The following ZNF414 variants were observed in gnomAD, a reference collection of about 807,000 sequenced individuals.
The protein encoded by ZNF414 is zinc finger protein 414.
ZNF414 carries 32 observed loss-of-function variants against 38.3 expected under a neutral mutation model. The observed-to-expected ratio is 0.83, with a 90% CI of 0.63 to 1.12. The LOEUF is 1.12. ZNF414 is among the 50% of genes most tolerant of loss of function. The pLI, the probability that ZNF414 is intolerant of heterozygous loss-of-function variation, is 0.00. For synonymous variants in ZNF414, 256 were observed against 248.0 expected (o/e 1.03, Z -0.30); for missense variants, 589 against 557.4 (o/e 1.06, Z -0.57).
intron 1 of ZNF414, 50 bp downstream of exon 1, chr19:8,513,984 GGCCGCTCCCC>G: frequency 7.2e-7 from 1 of 1,390,824 alleles, no homozygotes; most frequent in Middle Eastern, 2.6e-4. Flanking sequence ...GGCGCGACAG[GGCCGCTCCCC>G]GCCAGTCCCC....
Position 8,512,622 on chromosome 19 carries a change from G to C in ZNF414, c.406C>G (p.Pro136Ala). The change falls in exon 3 of 8, where the codon CCC becomes GCC. Residue 136 changes from proline to alanine, a missense_variant. Physicochemically the swap from Pro to Ala is conservative, Grantham distance 27. Coordinates refer to ENST00000393927, the MANE Select transcript of ZNF414 (RefSeq NM_001146175.2). ...GCCCTACCTTCCAGGGACTGTGTGG[G>C]CGGGCAGTGGGTTCGCAGATGCTGT... is the stretch of plus-strand genomic sequence containing the variant. Reference protein sequence around the residue: ...LAQHLRTHCPPTQSLEGKLFR... With the variant: ...LAQHLRTHCPATQSLEGKLFR... The C allele has an allele frequency of 2.5e-6, 4 of 1,592,580 alleles. No individual in the cohort carries two copies. The South Asian group carries it at 4.5e-5, about 18-fold the overall frequency.
Position 8,513,094 on chromosome 19 carries a change from C to G in ZNF414, c.251G>C (p.Gly84Ala), listed in dbSNP as rs1971940894. The change falls in exon 2 of 8, where the codon GGC becomes GCC. Residue 84 changes from glycine to alanine, a missense_variant. Gly to Ala is a moderately conservative substitution (Grantham distance 60). Coordinates refer to ENST00000393927, the MANE Select transcript of ZNF414 (RefSeq NM_001146175.2). The part of the protein sequence containing the change: ...SCQPGPGPSP[G>A]LTSIVSGTSE... ...GGTCCCGGAGACTATGCTGGTCAGG[C>G]CAGGGCTGGGTCCGGGGCCAGGCTG... is the stretch of plus-strand genomic sequence containing the variant. 6.5e-7 allele frequency: 1 copy of G among 1,531,210 alleles called. No individual in the cohort carries two copies. Among genetic ancestry groups the G allele is most frequent in the Non-Finnish European group, 8.8e-7 (1 of 1,141,068 alleles). 94.9% of individuals were successfully genotyped at this position (1,531,210 alleles called of 1,614,324 possible). A position where few individuals can be genotyped will look rare whatever the true frequency, so the allele number is the denominator to read the frequency against.
At chr19:8,513,526 C>T (rs1204116580) in intron 1 of ZNF414, among the ~76,000 whole-genome samples, 185 bp from the exon 2 acceptor site, 1 of 152,154 alleles carries the variant, frequency 6.6e-6, no homozygotes, top group Non-Finnish European at 1.5e-5. Flanking sequence ...CCCCTGGTCT[C>T]AAGTGATCCT....
At chr19:8,511,205 G>A (rs1316612994) in intron 6 of ZNF414, 181 bp from the exon 7 acceptor site, 15 of 1,311,884 alleles carry the variant, frequency 1.1e-5, no homozygotes, top group Non-Finnish European at 1.5e-5. Context: ...ACCCAACTTG[G>A]CTTCTCCGCG....
rs1221805024 is a variant in ZNF414, at chr19:8,510,414, T to G, written c.*277A>C. On this transcript the variant is annotated 3_prime_UTR_variant, in exon 8 of 8. Transcript: ENST00000393927. Reference sequence around the variant, plus strand: ...TGGGGACCTCAACCACAGCTGGAGGTGGGGACCTGGGTCCCAGGATTGGGG... The same window carrying G: ...TGGGGACCTCAACCACAGCTGGAGGGGGGGACCTGGGTCCCAGGATTGGGG... 1 of 314,746 alleles carries G rather than the reference T, an allele frequency of 3.2e-6. No individual in the cohort carries two copies. The highest frequency in any genetic ancestry group is 1.2e-4 in the South Asian group (1 of 8,604). 19.5% of individuals were successfully genotyped at this position (314,746 alleles called of 1,614,324 possible). A position where few individuals can be genotyped will look rare whatever the true frequency, so the allele number is the denominator to read the frequency against.
In ZNF414 at chr19:8,510,524, C is replaced by T; in HGVS notation, c.*167G>A. The T allele has an allele frequency of 1.3e-6, 1 of 747,172 alleles. No individual in the cohort carries two copies. The highest frequency in any genetic ancestry group is 2.1e-6 in the Non-Finnish European group (1 of 487,490). The allele number at this position is 747,172 out of a possible 1,614,324, so 46.3% of individuals were successfully genotyped here. Reference sequence around the variant, plus strand: ...CTCCCAAGATGTGATCAATCCATGACTGCTGGGCTCGAGCCCACTATGCTT... The same window carrying T: ...CTCCCAAGATGTGATCAATCCATGATTGCTGGGCTCGAGCCCACTATGCTT... On this transcript the variant is annotated 3_prime_UTR_variant, in exon 8 of 8. Coordinates refer to ENST00000393927, the MANE Select transcript of ZNF414 (RefSeq NM_001146175.2).
At chr19:8,514,014 C>T in intron 1 of ZNF414, 30 bp downstream of exon 1, 1 of 1,446,090 alleles carries the variant, frequency 6.9e-7, no homozygotes, top group Admixed American at 2.5e-5. Flanking sequence ...CGCAGCTCCG[C>T]CGCGCCCGCG....
At position 8,511,818 on chromosome 19, in the gene ZNF414, C is replaced by T. The variant is rs1464458841; in HGVS notation, c.673G>A (p.Glu225Lys). The change falls in exon 5 of 8, where the codon GAG becomes AAG. Residue 225 changes from glutamate to lysine, a missense_variant. Glu to Lys is a moderately conservative substitution (Grantham distance 56). Coordinates refer to ENST00000393927, the MANE Select transcript of ZNF414 (RefSeq NM_001146175.2). ...CCCGGCGCTGATGCGGGGTCAACCT[C>T]CGGGGGGCGCTCCGGCGCGGGCGGC... ...REPPAPERPPEVDPASAPGLP... is the reference protein window; with the variant it reads ...REPPAPERPPKVDPASAPGLP... 1 of 1,399,042 alleles carries T rather than the reference C, an allele frequency of 7.1e-7. No individual in the cohort carries two copies. Among genetic ancestry groups the T allele is most frequent in the East Asian group, 2.8e-5 (1 of 36,016 alleles). The allele number at this position is 1,399,042 out of a possible 1,614,324, so 86.7% of individuals were successfully genotyped here.
chr19:8,513,192 G>T lies in ZNF414; in HGVS notation c.153C>A (p.Ala51=), dbSNP rs1270943215. 1 of 1,564,380 alleles carries T rather than the reference G, an allele frequency of 6.4e-7. No homozygotes were observed. The highest frequency in any genetic ancestry group is 1.3e-5 in the African/African-American group (1 of 74,150). The change falls in exon 2 of 8, where the codon GCC becomes GCA. Residue 51 remains alanine, a synonymous_variant. Coordinates refer to ENST00000393927, the MANE Select transcript of ZNF414 (RefSeq NM_001146175.2). ...MSEEPGPEQA[A]TPPVWERGGA... ...CTCCACGTTCCCACACTGGCGGTGTGGCTGCCTGCTCAGGGCCTGGCTCCT... is the reference window on the plus strand; with the variant it reads ...CTCCACGTTCCCACACTGGCGGTGTTGCTGCCTGCTCAGGGCCTGGCTCCT...
intron 4 of ZNF414, 112 bp from the exon 5 acceptor site, chr19:8,512,072 C>A: frequency 7.1e-7 from 1 of 1,400,864 alleles, no homozygotes. Context: ...GGGCACTAAT[C>A]ACCTCCCCGC....
rs1198075572 is a variant in ZNF414, at chr19:8,511,885, C to T, written c.606G>A (p.Ala202=). The change falls in exon 5 of 8, where the codon GCG becomes GCA. Residue 202 remains alanine (A), a synonymous_variant. Coordinates refer to ENST00000393927, the MANE Select transcript of ZNF414 (RefSeq NM_001146175.2). ...GGGGTGGCGGCGGGGCTGGGCTCTGCGCATGCTCCGCGCAAACATGCAGGT... is the reference window on the plus strand; with the variant it reads ...GGGGTGGCGGCGGGGCTGGGCTCTGTGCATGCTCCGCGCAAACATGCAGGT... ...FKHLHVCAEH[A]QSPAPPPPPA... 1 of 1,409,630 alleles carries T rather than the reference C, an allele frequency of 7.1e-7. No homozygotes were observed. The highest frequency in any genetic ancestry group is 9.2e-7 in the Non-Finnish European group (1 of 1,089,966). 87.3% of individuals were successfully genotyped at this position (1,409,630 alleles called of 1,614,324 possible). A position where few individuals can be genotyped will look rare whatever the true frequency, so the allele number is the denominator to read the frequency against.
At chr19:8,511,066 C>G in intron 6 of ZNF414, 42 bp from the exon 7 acceptor site, 1 of 1,284,802 alleles carries the variant, frequency 7.8e-7, no homozygotes, top group South Asian at 2.6e-5. Context: ...GCTCCCCCAG[C>G]CCAGAAGACC....
chr19:8,513,121 C>T lies in ZNF414; in HGVS notation c.224G>A (p.Cys75Tyr), dbSNP rs761376066. 2 of 1,537,866 alleles carry T rather than the reference C, an allele frequency of 1.3e-6. No homozygotes were observed. The highest frequency in any genetic ancestry group is 1.7e-6 in the Non-Finnish European group (2 of 1,144,508). The change falls in exon 2 of 8, where the codon TGC becomes TAC. Residue 75 changes from cysteine to tyrosine, a missense_variant. Coordinates refer to ENST00000393927, the MANE Select transcript of ZNF414 (RefSeq NM_001146175.2). ...AGGGCTGGGTCCGGGGCCAGGCTGG[C>T]AGCTGTCTGGGGCTGGGGAGGAGCC... ...QQGSSPAPDS[C>Y]QPGPGPSPGL... is the part of the protein sequence containing the mutation.
At chr19:8,512,143 C>T in intron 4 of ZNF414, 183 bp from the exon 5 acceptor site, 1 of 1,427,072 alleles carries the variant, frequency 7.0e-7, no homozygotes, top group Admixed American at 2.9e-5. Flanking sequence ...TGGGGAAACC[C>T]GGAAAGAAGT....
Position 8,511,743 on chromosome 19 carries a change from TGGGGGCAGGGGC to T in ZNF414, c.736_747del (p.Ala246_Pro249del). The T allele has an allele frequency of 6.2e-6, 9 of 1,452,348 alleles. No homozygotes were observed. Among genetic ancestry groups the T allele is most frequent in the Non-Finnish European group, 8.1e-6 (9 of 1,108,650 alleles). The allele number at this position is 1,452,348 out of a possible 1,614,324, so 90.0% of individuals were successfully genotyped here. A position where few individuals can be genotyped will look rare whatever the true frequency, so the allele number is the denominator to read the frequency against. ...TTCAAGTAGGGCAGGAACGGTCCGG[TGGGGGCAGGGGC>T]GGGGGTCGTGAAGGGTTCCAGCAGC... On this transcript the variant is annotated inframe_deletion, in exon 5 of 8. Coordinates refer to ENST00000393927, the MANE Select transcript of ZNF414 (RefSeq NM_001146175.2).
chr19:8,511,949 C>A lies in ZNF414; in HGVS notation c.542G>T (p.Cys181Phe). Residue 181 changes from cysteine (C) to phenylalanine (F), a missense_variant, in exon 5 of 8, where the codon TGC becomes TTC. Physicochemically the swap from Cys to Phe is radical, Grantham distance 205. Transcript: ENST00000393927. ...KPNRYFKCENCLLRFRTHRSL... is the reference protein window; with the variant it reads ...KPNRYFKCENFLLRFRTHRSL... ...GCGGTGCGTGCGGAAGCGCAGGAGG[C>A]AGTTCTCACACCTGGAGGTGGGCAG... 7.1e-7 allele frequency: 1 copy of A among 1,416,786 alleles called. No homozygotes were observed. The highest frequency in any genetic ancestry group is 9.1e-7 in the Non-Finnish European group (1 of 1,094,076). The allele number at this position is 1,416,786 out of a possible 1,614,324, so 87.8% of individuals were successfully genotyped here.
In ZNF414 at chr19:8,513,129, T is replaced by C. The variant is rs1303509980; in HGVS notation, c.216A>G (p.Pro72=). 10 of 1,541,038 alleles carry C rather than the reference T, an allele frequency of 6.5e-6. No homozygotes were observed. The East Asian group carries it at 2.0e-4, about 30-fold the overall frequency. ...GTCCGGGGCCAGGCTGGCAGCTGTC[T>C]GGGGCTGGGGAGGAGCCCTGCTGCA... ...GGMQQGSSPA[P]DSCQPGPGPS... is the part of the protein sequence containing the mutation. The change falls in exon 2 of 8, where the codon CCA becomes CCG. Residue 72 remains proline, a synonymous_variant. Coordinates refer to ENST00000393927, the MANE Select transcript of ZNF414 (RefSeq NM_001146175.2).
Position 8,511,703 on chromosome 19 carries a change from C to G in ZNF414, c.788G>C (p.Gly263Ala). Residue 263 changes from glycine to alanine, a missense_variant, in exon 5 of 8, where the codon GGC becomes GCC. Coordinates refer to ENST00000393927, the MANE Select transcript of ZNF414 (RefSeq NM_001146175.2). ...GGGGCGCAGGCGCGGGGGGCTTAGG[C>G]CAAAGGGCGCAGGGTTCAAGTAGGG... Reference protein sequence around the residue: ...FLPYLNPAPFGLSPPRLRPFL... With the variant: ...FLPYLNPAPFALSPPRLRPFL... The G allele has an allele frequency of 6.7e-7, 1 of 1,485,618 alleles. No homozygotes were observed. Among genetic ancestry groups the G allele is most frequent in the Non-Finnish European group, 8.9e-7 (1 of 1,124,312 alleles). 92.0% of individuals were successfully genotyped at this position (1,485,618 alleles called of 1,614,324 possible).
In ZNF414 at chr19:8,514,100, C is replaced by T; in HGVS notation, c.-54G>A. 6 of 1,454,520 alleles carry T rather than the reference C, an allele frequency of 4.1e-6. No homozygotes were observed. Among genetic ancestry groups the T allele is most frequent in the South Asian group, 4.0e-5 (3 of 74,224 alleles). 90.1% of individuals were successfully genotyped at this position (1,454,520 alleles called of 1,614,324 possible). A position where few individuals can be genotyped will look rare whatever the true frequency, so the allele number is the denominator to read the frequency against. Reference sequence around the variant, plus strand: ...GCGGCTCCGGCGGCTGCAGCTTAGGCGGCGGCCACCCTCTGGGCAGTGCGA... The same window carrying T: ...GCGGCTCCGGCGGCTGCAGCTTAGGTGGCGGCCACCCTCTGGGCAGTGCGA... On this transcript the variant is annotated 5_prime_UTR_variant, in exon 1 of 8. Transcript: ENST00000393927.
Sources: allele counts gnomAD v4.1 joint callset (sites outside exome capture counted in the v4.1 genomes callset), GRCh38; gene constraint gnomAD v4.1.1; transcripts MANE v1.5; gene names NCBI Gene and HGNC (gene_info 2026-07-23, HGNC 2026-07-21).